Variants in RPS6KC1 observed in about 807,000 individuals in gnomAD.
RPS6KC1 encodes the protein inactive ribosomal protein S6 kinase delta-1.
RPS6KC1 carries 54 observed loss-of-function variants against 103.8 expected under a neutral mutation model. That is an observed-to-expected ratio of 0.52 (90% CI 0.42 to 0.65). The LOEUF (loss-of-function observed/expected upper bound fraction) is 0.65. Ranked by LOEUF, RPS6KC1 falls within the 30% of genes least tolerant of loss-of-function variation. The pLI is 0.00. For missense variants in RPS6KC1, 1,151 were observed against 1,253.8 expected (o/e 0.92, Z 1.24); for synonymous variants, 439 against 438.7 (o/e 1.00, Z -0.01).
chr1:213,715,793 C>A, the RPS6KC1 span, among the ~76,000 whole-genome samples: 77 of 152,272 alleles, frequency 5.1e-4, no homozygotes, highest in Admixed American at 1.7e-3. Context: ...CCAGGAAAGA[C>A]ATTTGAGATT....
At chr1:213,800,001 A>G in the RPS6KC1 span, among the ~76,000 whole-genome samples, 1 of 152,160 alleles carries the variant, frequency 6.6e-6, no homozygotes, top group African/African-American at 2.4e-5. Context: ...TGGCAGAAAA[A>G]GGAAGCTCTG....
chr1:213,436,544 A>G, the RPS6KC1 span, among the ~76,000 whole-genome samples: 4 of 152,310 alleles, frequency 2.6e-5, no homozygotes, highest in Admixed American at 6.5e-5. Context: ...CCAGAGGGAA[A>G]AAACATTCTG....
intron 3 of RPS6KC1, among the ~76,000 whole-genome samples, chr1:213,080,176 C>T (rs1415979186): frequency 6.6e-6 from 1 of 152,092 alleles, no homozygotes; most frequent in Non-Finnish European, 1.5e-5. Context: ...CCTTGGCCTC[C>T]CAAAGTGCTG....
chr1:213,392,741 T>A, the RPS6KC1 span, among the ~76,000 whole-genome samples: 3 of 152,326 alleles, frequency 2.0e-5, no homozygotes, highest in South Asian at 4.1e-4. Flanking sequence ...CAAGGAAAAC[T>A]GCTCCCACAA....
At chr1:213,516,963 T>A in the RPS6KC1 span, among the ~76,000 whole-genome samples, 1 of 152,110 alleles carries the variant, frequency 6.6e-6, no homozygotes, top group Non-Finnish European at 1.5e-5. Context: ...TGGGAGGGTG[T>A]ATGTGTCAAG....
At chr1:213,471,325 G>GA in the RPS6KC1 span, among the ~76,000 whole-genome samples, 1 of 152,040 alleles carries the variant, frequency 6.6e-6, no homozygotes, top group African/African-American at 2.4e-5. Context: ...TTTTTTTAGG[G>GA]AAAAATTAGA....
At chr1:213,471,458 AG>A in the RPS6KC1 span, among the ~76,000 whole-genome samples, 1 of 152,222 alleles carries the variant, frequency 6.6e-6, no homozygotes, top group African/African-American at 2.4e-5. Flanking sequence ...GCACAGAACC[AG>A]TAGCCAGTTG....
intron 6 of RPS6KC1, among the ~76,000 whole-genome samples, chr1:213,138,666 T>C (rs933915995): frequency 6.6e-6 from 1 of 152,246 alleles, no homozygotes; most frequent in African/African-American, 2.4e-5. Flanking sequence ...TTCCATCTTT[T>C]GTTGCTGCAA....
At chr1:213,205,365 A>G in intron 8 of RPS6KC1, 1 of 984,954 alleles carries the variant, frequency 1.0e-6, no homozygotes, top group Non-Finnish European at 1.2e-6. Context: ...AACATCAGTC[A>G]TTGTGATGTG....
chr1:213,241,126 C>T lies in RPS6KC1; in HGVS notation c.1650C>T (p.Phe550=). Residue 550 remains phenylalanine (F), a synonymous_variant, in exon 11 of 15, where the codon TTC becomes TTT. Transcript: ENST00000366960. The part of the protein sequence containing the change: ...NGVDTKAIKS[F]PAHLAADSDS... ...TTGATACAAAAGCTATTAAAAGCTT[C>T]CCAGCACACCTTGCTGCTGACAGTG... The T allele has an allele frequency of 6.2e-7, 1 of 1,613,820 alleles. No homozygotes were observed. The highest frequency in any genetic ancestry group is 2.2e-5 in the East Asian group (1 of 44,858).
chr1:213,783,797 T>C, the RPS6KC1 span, among the ~76,000 whole-genome samples: 3 of 32,254 alleles, frequency 9.3e-5, no homozygotes, highest in Admixed American at 5.2e-4. Context: ...GACCGTCAAA[T>C]GAAAAGAAAG....
At chr1:213,591,246 G>A in the RPS6KC1 span, among the ~76,000 whole-genome samples, 19 of 152,328 alleles carry the variant, frequency 1.2e-4, no homozygotes, top group Middle Eastern at 3.4e-3. Flanking sequence ...TGCAACAGCA[G>A]CCTTACTACC....
chr1:213,087,599 TCTTC>T (rs1229764013), intron 3 of RPS6KC1, among the ~76,000 whole-genome samples: 2 of 152,228 alleles, frequency 1.3e-5, no homozygotes, highest in Non-Finnish European at 2.9e-5. Flanking sequence ...AGGGGGCTTG[TCTTC>T]CTTCTTCCAG....
the RPS6KC1 span, among the ~76,000 whole-genome samples, chr1:213,809,643 A>G: frequency 3.3e-5 from 5 of 152,242 alleles, no homozygotes; most frequent in African/African-American, 1.2e-4. Context: ...AAACATATGT[A>G]CAGTATCTTC....
the RPS6KC1 span, among the ~76,000 whole-genome samples, chr1:213,385,896 T>A: frequency 2.0e-5 from 3 of 152,204 alleles, no homozygotes; most frequent in Non-Finnish European, 4.4e-5. Flanking sequence ...TGGAGGCTGC[T>A]GGGATTTGAA....
intron 9 of RPS6KC1, among the ~76,000 whole-genome samples, chr1:213,231,385 C>T (rs1234246669): frequency 6.6e-6 from 1 of 152,096 alleles, no homozygotes; most frequent in African/African-American, 2.4e-5. Flanking sequence ...AGAGAGAACC[C>T]TCAATTTTGA....
In RPS6KC1 at chr1:213,242,236, A is replaced by G; in HGVS notation, c.2760A>G (p.Leu920=). 1 of 1,613,980 alleles carries G rather than the reference A, an allele frequency of 6.2e-7. No homozygotes were observed. The highest frequency in any genetic ancestry group is 1.1e-5 in the South Asian group (1 of 91,074). Residue 920 remains leucine, a synonymous_variant, in exon 11 of 15, where the codon TTA becomes TTG. Coordinates refer to ENST00000366960, the MANE Select transcript of RPS6KC1 (RefSeq NM_012424.6). ...AAATGGTGGTAGCCCTTGATGCTTT[A>G]CATAGAGAGGGAATTGTGTGCCGCG... is the stretch of plus-strand genomic sequence containing the variant. The part of the protein sequence containing the change: ...AAEMVVALDA[L]HREGIVCRDL...
the RPS6KC1 span, among the ~76,000 whole-genome samples, chr1:213,861,826 C>T: frequency 2.9e-3 from 444 of 152,300 alleles, 4 homozygotes; most frequent in African/African-American, 0.01. Context: ...TGCTTCCTTT[C>T]AGATCTGCCC....
At chr1:213,069,078 G>T in intron 1 of RPS6KC1, among the ~76,000 whole-genome samples, 1 of 151,812 alleles carries the variant, frequency 6.6e-6, no homozygotes, top group South Asian at 2.1e-4. Flanking sequence ...AAATTTTTTT[G>T]AATTAATTTA....
Sources: gnomAD v4.1 joint callset for allele counts (sites outside exome capture counted in the v4.1 genomes callset) on GRCh38, gnomAD v4.1.1 for gene constraint, MANE v1.5 for transcripts, NCBI Gene and HGNC (gene_info 2026-07-23, HGNC 2026-07-21) for gene names.